Variants in GRIA4 observed in about 807,000 individuals in gnomAD.
The protein encoded by GRIA4 is glutamate receptor 4.
A neutral mutation model predicts 104.0 loss-of-function variants in GRIA4; 34 were observed. The observed-to-expected ratio is 0.33, with a 90% CI of 0.25 to 0.44. The LOEUF is 0.44. Ranked by LOEUF, GRIA4 falls within the 20% of genes least tolerant of loss-of-function variation. The probability of loss-of-function intolerance (pLI) is 1.00; values close to 1 mark genes in which losing one functional copy is unlikely to be tolerated. For missense variants in GRIA4, 750 were observed against 1,096.5 expected (o/e 0.68, Z 4.46); for synonymous variants, 386 against 381.9 (o/e 1.01, Z -0.13).
intron 3 of GRIA4, among the ~76,000 whole-genome samples, chr11:105,715,084 T>G (rs1182795602): frequency 6.6e-6 from 1 of 152,190 alleles, no homozygotes; most frequent in Admixed American, 6.6e-5. Flanking sequence ...TTATATCTTA[T>G]GGAGAATTTC....
intron 3 of GRIA4, among the ~76,000 whole-genome samples, chr11:105,663,704 G>A (rs756722108): frequency 3.3e-5 from 5 of 151,794 alleles, no homozygotes; most frequent in Admixed American, 6.6e-5. Context: ...AGAAATAAAC[G>A]TTTTAAAATG....
chr11:105,968,723 C>T (rs1356130150), intron 14 of GRIA4, among the ~76,000 whole-genome samples: 1 of 152,180 alleles, frequency 6.6e-6, no homozygotes, highest in Non-Finnish European at 1.5e-5. Flanking sequence ...GTTTTATGGT[C>T]ATAAGAAATT....
At chr11:105,710,943 G>T (rs1028372558) in intron 3 of GRIA4, among the ~76,000 whole-genome samples, 5 of 151,078 alleles carry the variant, frequency 3.3e-5, no homozygotes, top group African/African-American at 4.9e-5. Flanking sequence ...AATAAGGTAA[G>T]CCCTAGCAAT....
chr11:105,718,203 A>G (rs1954167114), intron 3 of GRIA4, among the ~76,000 whole-genome samples: 1 of 152,208 alleles, frequency 6.6e-6, no homozygotes, highest in Non-Finnish European at 1.5e-5. Flanking sequence ...TATGAAGCCA[A>G]TGTATAGAAT....
At chr11:105,882,804 G>C (rs1283529240) in intron 5 of GRIA4, among the ~76,000 whole-genome samples, 1 of 152,050 alleles carries the variant, frequency 6.6e-6, no homozygotes, top group African/African-American at 2.4e-5. Flanking sequence ...GTACTCCATT[G>C]GCATTTGTTG....
chr11:105,972,113 A>C, intron 15 of GRIA4, 85 bp downstream of exon 15: 3 of 785,496 alleles, frequency 3.8e-6, no homozygotes, highest in Non-Finnish European at 6.6e-6. Flanking sequence ...GAAACCATAA[A>C]AACTGAACAT....
intron 5 of GRIA4, among the ~76,000 whole-genome samples, chr11:105,866,411 T>C (rs1945405666): frequency 6.6e-6 from 1 of 151,482 alleles, no homozygotes; most frequent in East Asian, 1.9e-4. Context: ...TACAAACATT[T>C]GTTAAGTCCC....
intron 3 of GRIA4, among the ~76,000 whole-genome samples, chr11:105,646,404 G>A (rs534272051): frequency 1.3e-5 from 2 of 152,202 alleles, no homozygotes; most frequent in South Asian, 4.1e-4. Context: ...ACCAGCCTTG[G>A]CAACATAGTG....
Position 105,971,978 on chromosome 11 carries a change from A to C in GRIA4, c.2359A>C (p.Lys787Gln), listed in dbSNP as rs1401246305. The part of the protein sequence containing the change: ...EAGVLDKLKN[K>Q]WWYDKGECGP... ...AGGCGTCTTAGACAAGCTGAAAAACAAATGGTGGTACGATAAAGGTGAATG... is the reference window on the plus strand; with the variant it reads ...AGGCGTCTTAGACAAGCTGAAAAACCAATGGTGGTACGATAAAGGTGAATG... Residue 787 changes from lysine (K) to glutamine (Q), a missense_variant, in exon 15 of 17, where the codon AAA becomes CAA. By Grantham distance (53) the Lys-to-Gln change is moderately conservative. Around this residue, in one of 3 missense-constraint regions of GRIA4, gnomAD observed 272 missense variants for 524.5 expected, o/e 0.52. Transcript: ENST00000282499. The C allele has an allele frequency of 6.2e-7, 1 of 1,612,996 alleles. No individual in the cohort carries two copies. Among genetic ancestry groups the C allele is most frequent in the Non-Finnish European group, 8.5e-7 (1 of 1,179,246 alleles).
intron 4 of GRIA4, among the ~76,000 whole-genome samples, chr11:105,784,319 G>A (rs1941861984): frequency 6.6e-6 from 1 of 152,150 alleles, no homozygotes. Context: ...ATCAATTTGG[G>A]AGACTTTCAA....
rs545007757 is a variant in GRIA4, at chr11:105,901,356, C to T, written c.886-2458C>T. 3.9e-4 allele frequency among the ~76,000 whole-genome samples: 59 copies of T among 152,158 alleles called. No homozygotes were observed. The South Asian group carries it at 0.011, about 28-fold the overall frequency. On this transcript the variant is annotated intron_variant, in intron 7 of 16. Transcript: ENST00000282499. ...TTCTCTAAGTCCATACTTTTTCTAC[C>T]GCACTATGATTCTGCCCAATTCTGT...
In GRIA4 at chr11:105,676,430, A is replaced by G. The variant is rs138900631; in HGVS notation, c.247+63996A>G. ...ACTAAAAAAACTATTTTGAACTCAT[A>G]CATTCTAGTACTCTGCAACATTTGA... is the stretch of plus-strand genomic sequence containing the variant. On this transcript the variant is annotated intron_variant, in intron 3 of 16. Coordinates refer to ENST00000282499, the MANE Select transcript of GRIA4 (RefSeq NM_000829.4). Among the ~76,000 whole-genome samples the G allele has an allele frequency of 3.1e-3, 467 of 151,862 alleles. 2 individuals are homozygous for G. Among genetic ancestry groups the G allele is most frequent in the Non-Finnish European group, 5.2e-3 (351 of 67,734 alleles).
chr11:105,669,388 T>TTA (rs1381719010), intron 3 of GRIA4, among the ~76,000 whole-genome samples: 36 of 116,382 alleles, frequency 3.1e-4, no homozygotes, highest in Non-Finnish European at 5.4e-4. Context: ...ATATATCATG[T>TTA]CATATATATA....
chr11:105,630,491 G>A (rs1005088864), intron 3 of GRIA4, among the ~76,000 whole-genome samples: 5 of 152,154 alleles, frequency 3.3e-5, no homozygotes, highest in African/African-American at 1.2e-4. Context: ...TTGAACCTGG[G>A]AGGCCAAGGT....
chr11:105,672,538 T>G (rs553080673), intron 3 of GRIA4, among the ~76,000 whole-genome samples: 1 of 152,164 alleles, frequency 6.6e-6, no homozygotes, highest in Non-Finnish European at 1.5e-5. Context: ...TAAAAATCTG[T>G]CTATGAAACT....
rs185184568 is a variant in GRIA4, at chr11:105,691,785, A to C, written c.248-61196A>C. On this transcript the variant is annotated intron_variant, in intron 3 of 16. Coordinates refer to ENST00000282499, the MANE Select transcript of GRIA4 (RefSeq NM_000829.4). ...CCCTGTCTCTACTAAAAATACAAAA[A>C]TTAGCCGGGCATGGTGGCAGGCGCC... Among the ~76,000 whole-genome samples the C allele has an allele frequency of 4.3e-4, 65 of 152,002 alleles. 1 individual carries two copies. Among genetic ancestry groups the C allele is most frequent in the African/African-American group, 1.4e-3 (57 of 41,478 alleles).
chr11:105,796,996 C>T (rs928120786), intron 4 of GRIA4, among the ~76,000 whole-genome samples: 3 of 151,836 alleles, frequency 2.0e-5, no homozygotes, highest in African/African-American at 7.3e-5. Flanking sequence ...TTTGGGTGGC[C>T]GAGGTGGGTG....
chr11:105,866,551 G>GTGTGTGTATATATATATATATA (rs1299256765), intron 5 of GRIA4, among the ~76,000 whole-genome samples: 3 of 76,714 alleles, frequency 3.9e-5, no homozygotes, highest in African/African-American at 2.0e-4. Flanking sequence ...GTGTGTGTGT[G>GTGTGTGTATATATATATATATA]TATATATATA....
chr11:105,952,776 A>C (rs1413853277), intron 14 of GRIA4, among the ~76,000 whole-genome samples: 1 of 152,178 alleles, frequency 6.6e-6, no homozygotes, highest in Non-Finnish European at 1.5e-5. Context: ...TCCTTATCAA[A>C]GTAGTTTTCA....
Sources: allele counts gnomAD v4.1 joint callset (sites outside exome capture counted in the v4.1 genomes callset), GRCh38; gene constraint gnomAD v4.1.1; regional missense constraint gnomAD v4.1.1; transcripts MANE v1.5; gene names NCBI Gene and HGNC (gene_info 2026-07-23, HGNC 2026-07-21).